Variants in TYW1B observed in about 807,000 individuals in gnomAD.
TYW1B encodes S-adenosyl-L-methionine-dependent tRNA 4-demethylwyosine synthase TYW1B.
TYW1B carries 73 observed loss-of-function variants against 86.9 expected under a neutral mutation model. The ratio of observed to expected loss-of-function variants is 0.84; its 90% CI spans 0.70 to 1.02. The LOEUF (loss-of-function observed/expected upper bound fraction) is 1.02, where lower values mean the gene tolerates loss of function less well. TYW1B is among the 50% of genes least tolerant of loss of function. The pLI is 0.00. For synonymous variants in TYW1B, 248 were observed against 292.8 expected, an observed-to-expected ratio of 0.85 and a Z score of 1.56; for missense variants, 637 against 827.4, an observed-to-expected ratio of 0.77 and a Z score of 2.82.
chr7:72,611,303 T>G (rs1241020610), intron 13 of TYW1B, among the ~76,000 whole-genome samples: 2 of 152,126 alleles, frequency 1.3e-5, no homozygotes, highest in African/African-American at 4.8e-5. Context: ...AGCCCATTCT[T>G]GAAGGCAGGA....
chr7:72,678,699 G>A (rs144612501), intron 11 of TYW1B, among the ~76,000 whole-genome samples: 1,949 of 132,794 alleles, frequency 0.015, 24 homozygotes, highest in African/African-American at 0.052. Context: ...GCATCATCAC[G>A]CCCAGCTAAT....
intron 11 of TYW1B, among the ~76,000 whole-genome samples, chr7:72,650,003 C>T (rs1160589918): frequency 6.6e-6 from 1 of 151,950 alleles, no homozygotes; most frequent in African/African-American, 2.4e-5. Flanking sequence ...CATTCTCCTG[C>T]CTCAGCCTCA....
chr7:72,725,098 G>A (rs1184801703), intron 9 of TYW1B, among the ~76,000 whole-genome samples: 4 of 152,150 alleles, frequency 2.6e-5, no homozygotes, highest in African/African-American at 9.7e-5. Flanking sequence ...AACAGGCCCA[G>A]CAGACAATGA....
In TYW1B at chr7:72,713,755, C is replaced by T. The variant is rs781988118; in HGVS notation, c.1236G>A (p.Thr412=). 10 of 1,604,428 alleles carry T rather than the reference C, an allele frequency of 6.2e-6. No homozygotes were observed. Among genetic ancestry groups the T allele is most frequent in the African/African-American group, 2.7e-5 (2 of 74,694 alleles). ...CGAGGGACAATGCACAGTGCTTTAC[C>T]GTCATTCCTTCTTCAAAGCGTTCTG... ...VKAERFEEGM[T]VKHCALSLVG... The change falls in exon 10 of 14, where the codon ACG becomes ACA. Residue 412 remains threonine (T), a synonymous_variant. Transcript: ENST00000620995.
intron 13 of TYW1B, among the ~76,000 whole-genome samples, chr7:72,601,811 T>C (rs1294727594): frequency 6.7e-6 from 1 of 148,484 alleles, no homozygotes. Context: ...AACTACATAG[T>C]ATATACTTCC....
chr7:72,616,506 T>C (rs1351530326), intron 13 of TYW1B, among the ~76,000 whole-genome samples, 166 bp downstream of exon 13: 1 of 152,218 alleles, frequency 6.6e-6, no homozygotes, highest in Non-Finnish European at 1.5e-5. Flanking sequence ...GAAAAGAGTT[T>C]ATGAGCCCAG....
chr7:72,640,725 C>T (rs1458558544), intron 11 of TYW1B, among the ~76,000 whole-genome samples: 1 of 152,046 alleles, frequency 6.6e-6, no homozygotes, highest in African/African-American at 2.4e-5. Flanking sequence ...TAGCCATAGT[C>T]ACAATGGAAC....
At chr7:72,683,387 T>C (rs1554448728) in intron 11 of TYW1B, among the ~76,000 whole-genome samples, 1 of 152,098 alleles carries the variant, frequency 6.6e-6, no homozygotes, top group African/African-American at 2.4e-5. Flanking sequence ...CTGCCCAACA[T>C]GGTAAAACCC....
At chr7:72,722,560 C>A (rs545770740) in intron 9 of TYW1B, among the ~76,000 whole-genome samples, 1 of 151,994 alleles carries the variant, frequency 6.6e-6, no homozygotes, top group Non-Finnish European at 1.5e-5. Flanking sequence ...ATAAAAGGAA[C>A]GCTAATAAAG....
At chr7:72,615,938 A>C (rs1812061000) in intron 13 of TYW1B, among the ~76,000 whole-genome samples, 1 of 152,144 alleles carries the variant, frequency 6.6e-6, no homozygotes, top group Non-Finnish European at 1.5e-5. Context: ...AAAAAATACA[A>C]ATGAGAAGGC....
rs574160916 is a variant in TYW1B at position 72,723,476 on chromosome 7, G to T, written c.1192+5346C>A. ...CCCATAGATACAATATTATTAAAATGAAAATTAAGGCCAGGTGCAGTGGTT... is the reference window on the plus strand; with the variant it reads ...CCCATAGATACAATATTATTAAAATTAAAATTAAGGCCAGGTGCAGTGGTT... On this transcript the variant is annotated intron_variant, in intron 9 of 13. Coordinates refer to ENST00000620995, the MANE Select transcript of TYW1B (RefSeq NM_001145440.3). Among the ~76,000 whole-genome samples the T allele has an allele frequency of 7.7e-4, 117 of 152,126 alleles. 1 individual carries two copies. The highest frequency in any genetic ancestry group is 2.5e-3 in the African/African-American group (105 of 41,504).
At chr7:72,736,338 G>A (rs1787196631) in intron 8 of TYW1B, among the ~76,000 whole-genome samples, 1 of 152,246 alleles carries the variant, frequency 6.6e-6, no homozygotes, top group Non-Finnish European at 1.5e-5. Flanking sequence ...GCTGGGACCA[G>A]TATAAGCATG....
chr7:72,756,642 G>A (rs1787594863), intron 7 of TYW1B, among the ~76,000 whole-genome samples: 1 of 152,126 alleles, frequency 6.6e-6, no homozygotes, highest in African/African-American at 2.4e-5. Flanking sequence ...AGACAGGACT[G>A]GAGGTGCTTC....
At position 72,723,221 on chromosome 7, in the gene TYW1B, G is replaced by C. The variant is rs535598878; in HGVS notation, c.1192+5601C>G. ...CACTTCCCCTCCTTCCCTTTCCCCT[G>C]GTCCCCTGTCCCTGGGGTTATTTGT... On this transcript the variant is annotated intron_variant, in intron 9 of 13. Coordinates refer to ENST00000620995, the MANE Select transcript of TYW1B (RefSeq NM_001145440.3). 7.2e-4 allele frequency: 258 copies of C among 359,644 alleles called. 3 individuals carry two copies. Among genetic ancestry groups the C allele is most frequent in the African/African-American group, 5.3e-3 (249 of 47,206 alleles). The allele number at this position is 359,644 out of a possible 1,614,324, so 22.3% of individuals were successfully genotyped here.
chr7:72,602,857 C>T (rs1232755598), intron 13 of TYW1B, among the ~76,000 whole-genome samples: 10 of 150,996 alleles, frequency 6.6e-5, no homozygotes, highest in Non-Finnish European at 1.0e-4. Context: ...CACACACACA[C>T]ACACACACAC....
chr7:72,574,826 C>T lies in TYW1B; in HGVS notation c.*672G>A, dbSNP rs1199581078. On this transcript the variant is annotated 3_prime_UTR_variant, in exon 14 of 14. Transcript: ENST00000620995. ...TGGCCACTCCTCTTACAGCAGACAG[C>T]TTCACTCCGCTCCAGCCCCGGTACT... 2.0e-6 allele frequency: 2 copies of T among 985,308 alleles called. No homozygotes were observed. The highest frequency in any genetic ancestry group is 1.1e-4 in the East Asian group (1 of 8,826). 61.0% of individuals were successfully genotyped at this position (985,308 alleles called of 1,614,324 possible).
intron 8 of TYW1B, among the ~76,000 whole-genome samples, chr7:72,730,135 G>T (rs1485628453): frequency 6.6e-6 from 1 of 152,076 alleles, no homozygotes; most frequent in Non-Finnish European, 1.5e-5. Flanking sequence ...TGTTATACCA[G>T]ATGTGCAGAT....
intron 11 of TYW1B, among the ~76,000 whole-genome samples, chr7:72,643,672 T>A (rs1186580289): frequency 3.3e-5 from 5 of 152,170 alleles, no homozygotes; most frequent in African/African-American, 1.2e-4. Context: ...GCTTATCAAA[T>A]TGGCATTTGA....
chr7:72,739,035 A>C (rs1323747215), intron 8 of TYW1B, among the ~76,000 whole-genome samples: 3 of 152,162 alleles, frequency 2.0e-5, no homozygotes, highest in Non-Finnish European at 2.9e-5. Flanking sequence ...CCAGTGAGCT[A>C]TGATTGCACC....
Sources: gnomAD v4.1 joint callset for allele counts (sites outside exome capture counted in the v4.1 genomes callset) on GRCh38, gnomAD v4.1.1 for gene constraint, MANE v1.5 for transcripts, NCBI Gene and HGNC (gene_info 2026-07-23, HGNC 2026-07-21) for gene names.